The following TNS3 variants were observed in gnomAD, a reference collection of about 807,000 sequenced individuals.
TNS3 encodes tensin-3.
TNS3 carries 45 observed loss-of-function variants against 140.9 expected under a neutral mutation model. That is an observed-to-expected ratio of 0.32 (90% CI 0.25 to 0.41). TNS3 has a LOEUF of 0.41. TNS3 is among the 10% of genes least tolerant of loss of function. The probability of loss-of-function intolerance (pLI) is 1.00; values close to 1 mark genes in which losing one functional copy is unlikely to be tolerated. For synonymous variants in TNS3, 815 were observed against 788.4 expected (o/e 1.03, Z -0.56); for missense variants, 1,716 against 1,906.7 (o/e 0.90, Z 1.86).
intron 4 of TNS3, among the ~76,000 whole-genome samples, chr7:47,447,835 G>A (rs1012810971): frequency 2.0e-5 from 3 of 152,186 alleles, no homozygotes; most frequent in South Asian, 2.1e-4. Flanking sequence ...GATGATGCTC[G>A]CTCTAGTATC....
intron 5 of TNS3, among the ~76,000 whole-genome samples, chr7:47,440,811 A>G (rs1425398823): frequency 6.6e-6 from 1 of 152,202 alleles, no homozygotes; most frequent in Non-Finnish European, 1.5e-5. Context: ...GTCCCTCCAA[A>G]GTGCTGCCAC....
chr7:47,492,829 T>C (rs555160193), intron 3 of TNS3, among the ~76,000 whole-genome samples: 1 of 152,340 alleles, frequency 6.6e-6, no homozygotes, highest in East Asian at 1.9e-4. Flanking sequence ...GCCAGCCTCA[T>C]GCTGAGAAAG....
chr7:47,467,557 A>G (rs1307386135), intron 4 of TNS3, among the ~76,000 whole-genome samples: 1 of 152,154 alleles, frequency 6.6e-6, no homozygotes. Flanking sequence ...TCAGATTTTG[A>G]AGCCAACAGT....
At chr7:47,577,290 G>A (rs370472411) in intron 1 of TNS3, among the ~76,000 whole-genome samples, 4 of 152,238 alleles carry the variant, frequency 2.6e-5, no homozygotes, top group African/African-American at 7.2e-5. Flanking sequence ...TGCAAAGGGC[G>A]TATTAAGTGC....
chr7:47,499,409 T>C (rs1056682199), intron 3 of TNS3, among the ~76,000 whole-genome samples: 3 of 152,202 alleles, frequency 2.0e-5, no homozygotes, highest in Non-Finnish European at 4.4e-5. Context: ...GGATGCTTCA[T>C]GGTTCTTCTG....
At chr7:47,396,743 G>T (rs932624696) in intron 16 of TNS3, 57 bp downstream of exon 16, 1 of 1,386,382 alleles carries the variant, frequency 7.2e-7, no homozygotes, top group Non-Finnish European at 1.0e-6. Context: ...TATTTGAGTG[G>T]GCTGTCTTCC....
chr7:47,404,540 A>T (rs1298734434), intron 13 of TNS3, among the ~76,000 whole-genome samples: 6 of 152,186 alleles, frequency 3.9e-5, no homozygotes, highest in Non-Finnish European at 5.9e-5. Context: ...TAGTCTGATG[A>T]GGCAATTCAG....
At chr7:47,339,051 T>A (rs1562608793) in intron 20 of TNS3, among the ~76,000 whole-genome samples, 1 of 152,206 alleles carries the variant, frequency 6.6e-6, no homozygotes, top group African/African-American at 2.4e-5. Flanking sequence ...TCTAAGTGAA[T>A]TGTTTGTTCT....
chr7:47,335,737 C>A (rs1218386388), intron 20 of TNS3, among the ~76,000 whole-genome samples: 1 of 152,158 alleles, frequency 6.6e-6, no homozygotes, highest in Non-Finnish European at 1.5e-5. Flanking sequence ...TTGATCAGGT[C>A]TGGGCCAGGA....
chr7:47,339,247 T>C (rs372368427), intron 20 of TNS3, among the ~76,000 whole-genome samples: 15 of 152,234 alleles, frequency 9.9e-5, no homozygotes, highest in Non-Finnish European at 1.8e-4. Flanking sequence ...TTATGGTTCA[T>C]GCTTTTGTCC....
At chr7:47,494,585 C>CT (rs1797930698) in intron 3 of TNS3, among the ~76,000 whole-genome samples, 1 of 152,190 alleles carries the variant, frequency 6.6e-6, no homozygotes, top group Non-Finnish European at 1.5e-5. Context: ...AGCTCAGATC[C>CT]TTGCACACCG....
Position 47,303,340 on chromosome 7 carries a change from C to T in TNS3, c.3067G>A (p.Gly1023Ser), listed in dbSNP as rs1786531021. The T allele has an allele frequency of 6.2e-6, 10 of 1,613,474 alleles. No homozygotes were observed. The highest frequency in any genetic ancestry group is 1.1e-5 in the South Asian group (1 of 90,988). Residue 1023 changes from glycine (G) to serine (S), a missense_variant, in exon 22 of 31, where the codon GGC becomes AGC. This residue lies in a region of TNS3 where 1,163 missense variants were observed against 1,182.1 expected (regional missense o/e 0.98). Coordinates refer to ENST00000311160, the MANE Select transcript of TNS3 (RefSeq NM_022748.12). ...AGGCCACTTCCCACTGGGGCGGTGC[C>T]GAAGCCCAGGAAGGCCTGGCTGCTG... ...PPSSQAFLGF[G>S]TAPVGSGLPP... is the part of the protein sequence containing the mutation.
At chr7:47,339,480 CA>C (rs1249998194) in intron 20 of TNS3, among the ~76,000 whole-genome samples, 1 of 152,036 alleles carries the variant, frequency 6.6e-6, no homozygotes, top group African/African-American at 2.4e-5. Flanking sequence ...GTACCTTTGT[CA>C]AAAAAATCAG....
At chr7:47,371,132 C>T (rs1791050778) in intron 16 of TNS3, among the ~76,000 whole-genome samples, 1 of 151,996 alleles carries the variant, frequency 6.6e-6, no homozygotes. Flanking sequence ...TAAAGTCAAG[C>T]CTAGGGGAGG....
intron 10 of TNS3, among the ~76,000 whole-genome samples, chr7:47,423,568 G>A (rs893515978): frequency 2.6e-5 from 4 of 152,244 alleles, no homozygotes; most frequent in African/African-American, 9.6e-5. Flanking sequence ...GGGAACTGAT[G>A]AGCTACAAGA....
At chr7:47,396,698 T>A (rs1408387750) in intron 16 of TNS3, 102 bp downstream of exon 16, 4 of 966,400 alleles carry the variant, frequency 4.1e-6, no homozygotes, top group African/African-American at 1.6e-5. Flanking sequence ...ACAGGGGAAA[T>A]TTTTTCTTCT....
chr7:47,524,554 G>A (rs1030361542), intron 2 of TNS3, among the ~76,000 whole-genome samples: 3 of 151,918 alleles, frequency 2.0e-5, no homozygotes, highest in Admixed American at 6.6e-5. Context: ...TGTAATCCCA[G>A]CACTTTGGGA....
chr7:47,491,912 A>G (rs1408411534), intron 3 of TNS3, among the ~76,000 whole-genome samples: 1 of 152,174 alleles, frequency 6.6e-6, no homozygotes, highest in East Asian at 1.9e-4. Context: ...GCGATCCTAC[A>G]GGCTCCTGGA....
In TNS3 at chr7:47,512,618, T is replaced by A. The variant is rs576178774; in HGVS notation, c.-152-5674A>T. On this transcript the variant is annotated intron_variant, in intron 2 of 30. Coordinates refer to ENST00000311160, the MANE Select transcript of TNS3 (RefSeq NM_022748.12). Reference sequence around the variant, plus strand: ...AAATAAACTTTGTGACCGACAGACATGCGCGGTGGCCTCATCTATAGGAGA... The same window carrying A: ...AAATAAACTTTGTGACCGACAGACAAGCGCGGTGGCCTCATCTATAGGAGA... 2.6e-5 allele frequency among the ~76,000 whole-genome samples: 4 copies of A among 152,250 alleles called. No homozygotes were observed. The South Asian group carries it at 8.3e-4, about 32-fold the overall frequency.
Sources: gnomAD v4.1 joint callset for allele counts (sites outside exome capture counted in the v4.1 genomes callset) on GRCh38, gnomAD v4.1.1 for gene constraint, gnomAD v4.1.1 regional missense constraint, MANE v1.5 for transcripts, NCBI Gene and HGNC (gene_info 2026-07-23, HGNC 2026-07-21) for gene names.